LRCH2: variants seen among roughly 807,000 people sequenced by gnomAD.
The protein encoded by LRCH2 is leucine-rich repeat and calponin homology domain-containing protein 2.
In LRCH2, 38 loss-of-function variants were observed where a neutral mutation model predicts 68.9. The observed-to-expected ratio is 0.55, with a 90% CI of 0.43 to 0.72. The LOEUF is 0.72. Ranked by LOEUF, LRCH2 falls within the 30% of genes least tolerant of loss-of-function variation. LRCH2 has a pLI of 0.00. For synonymous variants in LRCH2, 191 were observed against 208.1 expected (o/e 0.92, Z 0.71); for missense variants, 528 against 572.9 (o/e 0.92, Z 0.80).
At chrX:115,153,661 C>T (rs73636267) in intron 12 of LRCH2, among the ~76,000 whole-genome samples, 150 of 111,014 alleles carry the variant, frequency 1.4e-3, no homozygotes, top group African/African-American at 4.8e-3. Context: ...AATAAGTATA[C>T]TGTTCTAAGG....
chrX:115,145,740 T>C (rs1226647436), intron 14 of LRCH2, among the ~76,000 whole-genome samples: 2 of 111,859 alleles, frequency 1.8e-5, no homozygotes, highest in Non-Finnish European at 3.8e-5. Context: ...TACAATGATG[T>C]ATCATCTTAC....
intron 11 of LRCH2, among the ~76,000 whole-genome samples, chrX:115,160,237 A>G (rs1397204434): frequency 1.8e-5 from 2 of 110,356 alleles, no homozygotes; most frequent in African/African-American, 6.6e-5. Flanking sequence ...AATTGCTTGA[A>G]CCCGGGAGGT....
At position 115,159,467 on chromosome X, in the gene LRCH2, T is replaced by G. The variant is rs2072499624; in HGVS notation, c.1464-2800A>C. On this transcript the variant is annotated intron_variant, in intron 11 of 20. Transcript: ENST00000317135. Reference sequence around the variant, plus strand: ...CTGTTTATCAATTAAAAAAAAAAATTCAGGCCCGGCGCGGTGGCTCACGCC... The same window carrying G: ...CTGTTTATCAATTAAAAAAAAAAATGCAGGCCCGGCGCGGTGGCTCACGCC... 2.7e-5 allele frequency among the ~76,000 whole-genome samples: 3 copies of G among 110,332 alleles called. No individual in the cohort carries two copies. In the South Asian group the frequency reaches 1.1e-3, roughly 42 times the overall value.
chrX:115,221,134 G>A (rs1243596764), intron 1 of LRCH2, among the ~76,000 whole-genome samples: 2 of 88,138 alleles, frequency 2.3e-5, no homozygotes, highest in Admixed American at 1.4e-4. Context: ...CCGAGATCAC[G>A]CCACTGCACT....
At chrX:115,141,219 C>T (rs190374927) in intron 14 of LRCH2, among the ~76,000 whole-genome samples, 2 of 106,416 alleles carry the variant, frequency 1.9e-5, no homozygotes, top group Middle Eastern at 4.8e-3. Flanking sequence ...GAGCAAGACT[C>T]TGTCTCAAAA....
intron 10 of LRCH2, 49 bp downstream of exon 10, chrX:115,165,356 G>T: frequency 1.1e-6 from 1 of 902,323 alleles, no homozygotes; most frequent in Non-Finnish European, 1.5e-6. Context: ...AATATCTAAT[G>T]AATGGCTCAA....
chrX:115,172,752 A>ATTTTTTTT (rs35680669), intron 5 of LRCH2, among the ~76,000 whole-genome samples: 2 of 82,764 alleles, frequency 2.4e-5, no homozygotes, highest in Non-Finnish European at 2.3e-5. Context: ...CTTACTTTCT[A>ATTTTTTTT]TTTTTTTTTT....
chrX:115,188,249 C>A lies in LRCH2; in HGVS notation c.471G>T (p.Gln157His), dbSNP rs200518310. Reference protein sequence around the residue: ...KTIPEAIKNLQMLTYLNISRN... With the variant: ...KTIPEAIKNLHMLTYLNISRN... ...ACCTAATGTTAAGGTATGTTAACAT[C>A]TGCAGATTTTTAATGGCTTCAGGAA... Residue 157 changes from glutamine (Q) to histidine (H), a missense_variant, in exon 2 of 21, where the codon CAG (glutamine) becomes CAT (histidine). By Grantham distance (24) the Gln-to-His change is conservative. Coordinates refer to ENST00000317135, the MANE Select transcript of LRCH2 (RefSeq NM_020871.4). The A allele has an allele frequency of 5.4e-5, 63 of 1,167,265 alleles. No individual in the cohort carries two copies. The highest frequency in any genetic ancestry group is 7.0e-5 in the Non-Finnish European group (61 of 873,600).
Position 115,113,063 on chromosome X carries a change from T to A in LRCH2, c.*153A>T. On this transcript the variant is annotated 3_prime_UTR_variant, in exon 21 of 21. Coordinates refer to ENST00000317135, the MANE Select transcript of LRCH2 (RefSeq NM_020871.4). ...CAAAGAAGTTCGGGCAATTCAATGT[T>A]TAAGTTTGATGTTTCAATGTAATTT... The A allele has an allele frequency of 2.4e-6, 1 of 417,021 alleles. No homozygotes were observed. The allele number at this position is 417,021 out of a possible 1,213,427, so 34.4% of individuals were successfully genotyped here. A position where few individuals can be genotyped will look rare whatever the true frequency, so the allele number is the denominator to read the frequency against.
intron 14 of LRCH2, among the ~76,000 whole-genome samples, chrX:115,141,586 C>T (rs782014293): frequency 5.1e-4 from 57 of 110,800 alleles, no homozygotes; most frequent in African/African-American, 1.7e-3. Flanking sequence ...CTAAGCAGTT[C>T]CCAGCTTGAC....
intron 5 of LRCH2, among the ~76,000 whole-genome samples, chrX:115,177,931 T>G (rs1303317769): frequency 9.0e-6 from 1 of 111,451 alleles, no homozygotes. Context: ...TAAATGTAAA[T>G]TAATCAAATC....
At chrX:115,218,617 A>T (rs375466421) in intron 1 of LRCH2, among the ~76,000 whole-genome samples, 73 of 112,538 alleles carry the variant, frequency 6.5e-4, no homozygotes, top group African/African-American at 1.7e-3. Context: ...CTTCGTTAAC[A>T]TAGCAGTGCA....
intron 1 of LRCH2, chrX:115,189,333 AC>A (rs1175477984): frequency 1.2e-5 from 10 of 828,755 alleles, no homozygotes; most frequent in Middle Eastern, 3.8e-4. Context: ...TGAGACATCC[AC>A]CCCCCCAACC....
intron 11 of LRCH2, among the ~76,000 whole-genome samples, chrX:115,160,059 T>G (rs1484461118): frequency 1.8e-5 from 2 of 111,598 alleles, no homozygotes; most frequent in Non-Finnish European, 1.9e-5. Context: ...GGCTCACACC[T>G]GTAATCCCAG....
At chrX:115,167,239 A>AAAAAAAAATAAC (rs1556545614) in intron 6 of LRCH2, among the ~76,000 whole-genome samples, 1 of 105,943 alleles carries the variant, frequency 9.4e-6, no homozygotes, top group Non-Finnish European at 2.0e-5. Flanking sequence ...CAACAAAAAA[A>AAAAAAAAATAAC]AACTTTTTTT....
At chrX:115,192,742 T>G in intron 1 of LRCH2, 1 of 864,330 alleles carries the variant, frequency 1.2e-6, no homozygotes, top group Non-Finnish European at 1.6e-6. Flanking sequence ...AAGTAGGAGT[T>G]GTTTTTACCT....
chrX:115,154,431 C>A (rs782305324), intron 12 of LRCH2, among the ~76,000 whole-genome samples: 1 of 111,510 alleles, frequency 9.0e-6, no homozygotes, highest in South Asian at 3.8e-4. Flanking sequence ...AGACTCTAAC[C>A]AATAACCACA....
chrX:115,151,729 A>G (rs1299856613), intron 12 of LRCH2, among the ~76,000 whole-genome samples: 2 of 111,693 alleles, frequency 1.8e-5, no homozygotes, highest in African/African-American at 6.5e-5. Context: ...TATGCCTTCC[A>G]TGACATTGAA....
rs1556560854 is a variant in LRCH2, at chrX:115,192,142, T to C, written c.350-3772A>G. ...GGGCCGCGACAGTTTCAGCAACAGC[T>C]ATGGCCGGAGTGACCATTACGGAAG... On this transcript the variant is annotated intron_variant, in intron 1 of 20. Transcript: ENST00000317135. 6 of 1,166,511 alleles carry C rather than the reference T, an allele frequency of 5.1e-6. No individual in the cohort carries two copies. In the Admixed American group the frequency reaches 1.6e-4, roughly 30 times the overall value.
Sources: gnomAD v4.1 joint callset for allele counts (sites outside exome capture counted in the v4.1 genomes callset) on GRCh38, gnomAD v4.1.1 for gene constraint, MANE v1.5 for transcripts, NCBI Gene and HGNC (gene_info 2026-07-23, HGNC 2026-07-21) for gene names.